Variants in GMCL1 observed in about 807,000 individuals in gnomAD.
GMCL1 encodes germ cell-less protein-like 1.
In GMCL1, 54 loss-of-function variants were observed where a neutral mutation model predicts 75.5. The observed-to-expected ratio is 0.71, with a 90% CI of 0.57 to 0.90. The LOEUF (loss-of-function observed/expected upper bound fraction) is 0.90. Among genes scored for constraint, GMCL1 ranks in the 40% least tolerant of loss-of-function variants. The pLI, the probability that GMCL1 is intolerant of heterozygous loss-of-function variation, is 0.00. For synonymous variants in GMCL1, 210 were observed against 209.6 expected, an observed-to-expected ratio of 1.00 and a Z score of -0.02; for missense variants, 537 against 622.7, an observed-to-expected ratio of 0.86 and a Z score of 1.47.
intron 13 of GMCL1, among the ~76,000 whole-genome samples, chr2:69,873,393 C>G (rs932016989): frequency 6.6e-6 from 1 of 152,074 alleles, no homozygotes; most frequent in African/African-American, 2.4e-5. Context: ...AAATATGAGT[C>G]AGCTGAAACA....
At chr2:69,861,404 A>G in intron 10 of GMCL1, 57 bp downstream of exon 10, 1 of 1,060,134 alleles carries the variant, frequency 9.4e-7, no homozygotes. Context: ...GAATTTTTTA[A>G]TGCATTCATT....
chr2:69,853,186 A>G (rs1675369387), intron 8 of GMCL1, among the ~76,000 whole-genome samples: 1 of 152,206 alleles, frequency 6.6e-6, no homozygotes, highest in South Asian at 2.1e-4. Flanking sequence ...TAAAAACAAA[A>G]TGGTATTCTC....
At position 69,879,780 on chromosome 2, in the gene GMCL1, G is replaced by T. The variant is rs1676229892; in HGVS notation, c.*776G>T. 1 of 152,040 alleles carries T rather than the reference G, an allele frequency of 6.6e-6. No homozygotes were observed. 9.4% of individuals were successfully genotyped at this position (152,040 alleles called of 1,614,324 possible). A position where few individuals can be genotyped will look rare whatever the true frequency, so the allele number is the denominator to read the frequency against. ...TCTTGCCTTACATGGTCTTTTCTTT[G>T]ACAGTCTGTACACCTTTATTATTAG... On this transcript the variant is annotated 3_prime_UTR_variant, in exon 14 of 14. Transcript: ENST00000282570.
At chr2:69,861,565 T>C (rs1675648501) in intron 10 of GMCL1, among the ~76,000 whole-genome samples, 1 of 152,232 alleles carries the variant, frequency 6.6e-6, no homozygotes, top group Admixed American at 6.5e-5. Flanking sequence ...AAATGTCATT[T>C]GCTTTATTAG....
chr2:69,832,113 C>T (rs1042286731), intron 1 of GMCL1, among the ~76,000 whole-genome samples: 1 of 151,852 alleles, frequency 6.6e-6, no homozygotes, highest in Non-Finnish European at 1.5e-5. Context: ...CCCAGCTACT[C>T]GGGACGCTGA....
intron 13 of GMCL1, among the ~76,000 whole-genome samples, chr2:69,876,505 G>T (rs1043191647): frequency 2.0e-5 from 3 of 152,208 alleles, no homozygotes; most frequent in Non-Finnish European, 4.4e-5. Context: ...GTGAAAATTT[G>T]ATAGGCTGGT....
intron 11 of GMCL1, among the ~76,000 whole-genome samples, chr2:69,865,665 T>G (rs189416364): frequency 2.1e-3 from 324 of 152,194 alleles, no homozygotes; most frequent in African/African-American, 7.5e-3. Context: ...AAAAGATATT[T>G]TTTCATTACC....
Position 69,881,373 on chromosome 2 carries a change from T to A in GMCL1, c.*2369T>A, listed in dbSNP as rs1448102193. The A allele has an allele frequency of 6.6e-6, 1 of 152,224 alleles. No individual in the cohort carries two copies. The highest frequency in any genetic ancestry group is 1.5e-5 in the Non-Finnish European group (1 of 68,046). The allele number at this position is 152,224 out of a possible 1,614,324, so 9.4% of individuals were successfully genotyped here. On this transcript the variant is annotated 3_prime_UTR_variant, in exon 14 of 14. Transcript: ENST00000282570. ...AGTGTTAATAGTGTAAGATAAAGTA[T>A]TGTATAAACCATGGTTTGTGAAAGC...
chr2:69,837,891 G>A (rs1237059428), intron 2 of GMCL1, among the ~76,000 whole-genome samples: 4 of 152,128 alleles, frequency 2.6e-5, no homozygotes, highest in Admixed American at 6.5e-5. Flanking sequence ...CTAATACTAC[G>A]TATTTGTCAT....
chr2:69,847,239 T>A (rs756563683), intron 6 of GMCL1, among the ~76,000 whole-genome samples: 8 of 152,198 alleles, frequency 5.3e-5, no homozygotes, highest in Non-Finnish European at 1.2e-4. Flanking sequence ...GGAACCTTGC[T>A]TTAACTTGAT....
intron 8 of GMCL1, among the ~76,000 whole-genome samples, chr2:69,850,598 C>T (rs1675290727): frequency 6.6e-6 from 1 of 152,138 alleles, no homozygotes; most frequent in African/African-American, 2.4e-5. Flanking sequence ...CTTTTCCTAA[C>T]CACTATCTTG....
intron 11 of GMCL1, among the ~76,000 whole-genome samples, chr2:69,868,220 C>T (rs555525274): frequency 1.1e-4 from 16 of 149,788 alleles, no homozygotes; most frequent in South Asian, 6.5e-4. Flanking sequence ...GGCAATATAA[C>T]GAGACCCTGT....
At chr2:69,870,110 C>T (rs1318128927) in intron 12 of GMCL1, among the ~76,000 whole-genome samples, 3 of 149,294 alleles carry the variant, frequency 2.0e-5, no homozygotes, top group East Asian at 3.9e-4. Flanking sequence ...GCCTTGAAGT[C>T]GTTGCCTTGT....
rs1487098964 is a variant in GMCL1 at position 69,863,529 on chromosome 2, T to G, written c.1143-1371T>G. On this transcript the variant is annotated intron_variant, in intron 10 of 13. Coordinates refer to ENST00000282570, the MANE Select transcript of GMCL1 (RefSeq NM_178439.5). ...AATAAAACTGTGTCACTTCTCTACT[T>G]AAATATGTCCAGGGATATTTGATGA... 2.0e-5 allele frequency among the ~76,000 whole-genome samples: 3 copies of G among 152,232 alleles called. No individual in the cohort carries two copies. In the East Asian group the frequency reaches 5.8e-4, roughly 29 times the overall value.
At chr2:69,848,244 G>A (rs575687231) in intron 7 of GMCL1, among the ~76,000 whole-genome samples, 8 of 152,278 alleles carry the variant, frequency 5.3e-5, no homozygotes, top group African/African-American at 1.4e-4. Context: ...CCTTTTGTCC[G>A]CAAAACAGTG....
intron 8 of GMCL1, among the ~76,000 whole-genome samples, chr2:69,852,909 C>T (rs1316193585): frequency 1.3e-5 from 2 of 152,154 alleles, no homozygotes; most frequent in South Asian, 2.1e-4. Context: ...ATCAGGACTA[C>T]AAGAAACAAC....
intron 10 of GMCL1, among the ~76,000 whole-genome samples, chr2:69,861,753 A>G (rs945922959): frequency 2.0e-5 from 3 of 152,212 alleles, no homozygotes; most frequent in Non-Finnish European, 2.9e-5. Flanking sequence ...AATGTAATAA[A>G]TAGTTTTTGA....
intron 1 of GMCL1, among the ~76,000 whole-genome samples, chr2:69,834,325 C>T (rs932920446): frequency 1.3e-5 from 2 of 152,198 alleles, no homozygotes; most frequent in East Asian, 1.9e-4. Context: ...CTGGGACTTA[C>T]TTTCACCCCA....
At position 69,835,085 on chromosome 2, in the gene GMCL1, G is replaced by A. The variant is rs1209438306; in HGVS notation, c.261-2462G>A. 4.6e-5 allele frequency among the ~76,000 whole-genome samples: 7 copies of A among 152,024 alleles called. No individual in the cohort carries two copies. The South Asian group carries it at 6.2e-4, about 14-fold the overall frequency. On this transcript the variant is annotated intron_variant, in intron 1 of 13. Transcript: ENST00000282570. ...GCATGCCCCACCTATAACCAACTTC[G>A]TAGTCTTCTTACTCAAAGAAGAGGT...
Sources: gnomAD v4.1 joint callset for allele counts (sites outside exome capture counted in the v4.1 genomes callset) on GRCh38, gnomAD v4.1.1 for gene constraint, MANE v1.5 for transcripts, NCBI Gene and HGNC (gene_info 2026-07-23, HGNC 2026-07-21) for gene names.